The following PDSS2 variants were observed in gnomAD, a reference collection of about 807,000 sequenced individuals.
The protein encoded by PDSS2 is all trans-polyprenyl-diphosphate synthase PDSS2.
Under a neutral mutation model 44.5 loss-of-function variants are expected in PDSS2, and 31 were observed. That is an observed-to-expected ratio of 0.70 (90% CI 0.52 to 0.94). PDSS2 has a LOEUF of 0.94. PDSS2 is among the 40% of genes least tolerant of loss of function. The probability of loss-of-function intolerance (pLI) is 0.00; values close to 1 mark genes in which losing one functional copy is unlikely to be tolerated. For synonymous variants in PDSS2, 157 were observed against 180.3 expected, an observed-to-expected ratio of 0.87 and a Z score of 1.03; for missense variants, 452 against 482.2, an observed-to-expected ratio of 0.94 and a Z score of 0.59.
intron 2 of PDSS2, among the ~76,000 whole-genome samples, chr6:107,279,282 G>A (rs1233117524): frequency 3.9e-5 from 6 of 152,090 alleles, no homozygotes; most frequent in South Asian, 2.1e-4. Flanking sequence ...CGTTGGGGAG[G>A]GGGAATAAGC....
At chr6:107,450,092 T>C (rs1019522261) in intron 1 of PDSS2, among the ~76,000 whole-genome samples, 1 of 152,192 alleles carries the variant, frequency 6.6e-6, no homozygotes, top group African/African-American at 2.4e-5. Context: ...GGTAATTCTA[T>C]TTTTAATTTT....
At chr6:107,262,009 C>T (rs181447963) in intron 3 of PDSS2, among the ~76,000 whole-genome samples, 349 of 143,656 alleles carry the variant, frequency 2.4e-3, no homozygotes, top group African/African-American at 8.7e-3. Context: ...CCCTGGTTCA[C>T]GCCATTCTCC....
chr6:107,245,619 C>T lies in PDSS2; in HGVS notation c.631G>A (p.Val211Ile). 2 of 1,569,260 alleles carry T rather than the reference C, an allele frequency of 1.3e-6. No individual in the cohort carries two copies. Among genetic ancestry groups the T allele is most frequent in the Non-Finnish European group, 1.7e-6 (2 of 1,146,548 alleles). The change falls in exon 4 of 8, where the codon GTT (valine) becomes ATT (isoleucine). Residue 211 changes from valine (V) to isoleucine (I), a missense_variant and splice_region_variant. Val to Ile is a conservative substitution (Grantham distance 29). Coordinates refer to ENST00000369037, the MANE Select transcript of PDSS2 (RefSeq NM_020381.4). Reference protein sequence around the residue: ...NGLALLQNTKVVELLASALMD... With the variant: ...NGLALLQNTKIVELLASALMD... ...AGAGCACTTGCTAAAAGTTCCACAA[C>T]CTAAAAAGCAAGAAGAAAAATAAAA...
In PDSS2 at chr6:107,423,699, A is replaced by G. The variant is rs138044880; in HGVS notation, c.296+35291T>C. Reference sequence around the variant, plus strand: ...CAGACCTGAATTAAGAGGACTTACAATATGCTGAAATCATCAAGAAGCTTT... The same window carrying G: ...CAGACCTGAATTAAGAGGACTTACAGTATGCTGAAATCATCAAGAAGCTTT... On this transcript the variant is annotated intron_variant, in intron 1 of 7. Coordinates refer to ENST00000369037, the MANE Select transcript of PDSS2 (RefSeq NM_020381.4). 2.7e-3 allele frequency among the ~76,000 whole-genome samples: 406 copies of G among 152,320 alleles called. 3 individuals carry two copies. The highest frequency in any genetic ancestry group is 3.3e-3 in the Non-Finnish European group (225 of 68,030).
chr6:107,439,217 T>C (rs569577420), intron 1 of PDSS2, among the ~76,000 whole-genome samples: 1 of 152,208 alleles, frequency 6.6e-6, no homozygotes, highest in Non-Finnish European at 1.5e-5. Context: ...AATACAGGTA[T>C]TGAAACAAGG....
intron 1 of PDSS2, among the ~76,000 whole-genome samples, chr6:107,356,740 C>A (rs141996698): frequency 2.6e-5 from 4 of 152,220 alleles, no homozygotes; most frequent in African/African-American, 9.6e-5. Flanking sequence ...TCCAAACTGT[C>A]AGTGATATAA....
intron 1 of PDSS2, among the ~76,000 whole-genome samples, chr6:107,375,480 T>C (rs1779258888): frequency 6.6e-6 from 1 of 152,168 alleles, no homozygotes; most frequent in Non-Finnish European, 1.5e-5. Context: ...ATAACTTAGA[T>C]GGGATGAACA....
chr6:107,211,860 C>G (rs777886358), intron 5 of PDSS2, among the ~76,000 whole-genome samples: 1 of 151,966 alleles, frequency 6.6e-6, no homozygotes, highest in Non-Finnish European at 1.5e-5. Context: ...CTCAAGAACC[C>G]TTTCAGGTGG....
chr6:107,192,267 T>C (rs1562364792), intron 7 of PDSS2: 1 of 408,192 alleles, frequency 2.4e-6, no homozygotes, highest in Non-Finnish European at 4.7e-6. Flanking sequence ...TATCTAGTTT[T>C]TCTTGAAGGA....
intron 7 of PDSS2, among the ~76,000 whole-genome samples, chr6:107,173,417 T>C (rs1189772134): frequency 6.6e-6 from 1 of 150,970 alleles, no homozygotes; most frequent in Admixed American, 6.6e-5. Flanking sequence ...CTACTAAAAA[T>C]ACAAAAATTA....
intron 1 of PDSS2, among the ~76,000 whole-genome samples, chr6:107,372,151 T>C (rs1779144562): frequency 6.6e-6 from 1 of 152,188 alleles, no homozygotes; most frequent in Non-Finnish European, 1.5e-5. Flanking sequence ...TAGCAGGCAG[T>C]CAAGGGGGGT....
chr6:107,330,650 T>G (rs2115225358), intron 2 of PDSS2, among the ~76,000 whole-genome samples: 1 of 152,352 alleles, frequency 6.6e-6, no homozygotes, highest in South Asian at 2.1e-4. Context: ...AATAAAACTA[T>G]GCTATTACTA....
chr6:107,193,377 G>A (rs998071084), intron 7 of PDSS2, among the ~76,000 whole-genome samples: 5 of 152,200 alleles, frequency 3.3e-5, no homozygotes, highest in African/African-American at 9.7e-5. Context: ...AGTCTATCCT[G>A]TAAGGTGCTT....
chr6:107,362,136 A>C (rs1275639797), intron 1 of PDSS2, among the ~76,000 whole-genome samples: 1 of 152,204 alleles, frequency 6.6e-6, no homozygotes, highest in Admixed American at 6.5e-5. Context: ...CAGCAACCAC[A>C]GGGAGCTTGA....
intron 7 of PDSS2, among the ~76,000 whole-genome samples, chr6:107,186,606 C>T (rs967000753): frequency 2.6e-5 from 4 of 152,026 alleles, no homozygotes; most frequent in Non-Finnish European, 4.4e-5. Flanking sequence ...TCCCTCCTTT[C>T]GCGCCCCCCT....
intron 3 of PDSS2, among the ~76,000 whole-genome samples, chr6:107,251,626 A>G (rs1284681781): frequency 3.9e-5 from 6 of 152,360 alleles, no homozygotes; most frequent in African/African-American, 1.4e-4. Context: ...CTCTTGGGGA[A>G]GAATGAATTT....
chr6:107,282,823 C>T (rs964155667), intron 2 of PDSS2, among the ~76,000 whole-genome samples: 2 of 145,854 alleles, frequency 1.4e-5, no homozygotes, highest in East Asian at 2.1e-4. Flanking sequence ...GAGCTGAGTT[C>T]GTGCCATTGC....
intron 7 of PDSS2, among the ~76,000 whole-genome samples, chr6:107,187,441 G>C (rs991063089): frequency 2.0e-5 from 3 of 152,232 alleles, no homozygotes; most frequent in Non-Finnish European, 4.4e-5. Context: ...GAGGTGGGCA[G>C]ATCACCTGAG....
intron 1 of PDSS2, among the ~76,000 whole-genome samples, chr6:107,350,014 C>A (rs147627574): frequency 6.6e-6 from 1 of 152,126 alleles, no homozygotes; most frequent in Non-Finnish European, 1.5e-5. Context: ...TTTACAATTT[C>A]GAAAATTACA....
Sources: gnomAD v4.1 joint callset for allele counts (sites outside exome capture counted in the v4.1 genomes callset) on GRCh38, gnomAD v4.1.1 for gene constraint, MANE v1.5 for transcripts, NCBI Gene and HGNC (gene_info 2026-07-23, HGNC 2026-07-21) for gene names.